SLC35F3: variants seen among roughly 807,000 people sequenced by gnomAD.
SLC35F3 encodes putative thiamine transporter SLC35F3.
SLC35F3 carries 25 observed loss-of-function variants against 49.9 expected under a neutral mutation model. The ratio of observed to expected loss-of-function variants is 0.50; its 90% CI spans 0.37 to 0.70. The LOEUF is 0.70. Among genes scored for constraint, SLC35F3 ranks in the 30% least tolerant of loss-of-function variants. The probability of loss-of-function intolerance (pLI) is 0.00; values close to 1 mark genes in which losing one functional copy is unlikely to be tolerated. For missense variants in SLC35F3, 525 were observed against 639.8 expected, an observed-to-expected ratio of 0.82 and a Z score of 1.94; for synonymous variants, 275 against 265.4, an observed-to-expected ratio of 1.04 and a Z score of -0.35.
chr1:233,949,666 C>A lies in SLC35F3; in HGVS notation c.283+43908C>A, dbSNP rs565342644. On this transcript the variant is annotated intron_variant, in intron 2 of 7. Transcript: ENST00000366618. ...GACCTTAGCCCTTTTACAGCATTCA[C>A]TGGGGCTTGTCATGTTAGGATCGCT... Among the ~76,000 whole-genome samples the A allele has an allele frequency of 3.9e-5, 6 of 152,292 alleles. No individual in the cohort carries two copies. In the East Asian group the frequency reaches 1.2e-3, roughly 29 times the overall value.
At chr1:233,988,591 A>G (rs1223801529) in intron 2 of SLC35F3, among the ~76,000 whole-genome samples, 1 of 152,032 alleles carries the variant, frequency 6.6e-6, no homozygotes, top group Non-Finnish European at 1.5e-5. Context: ...CACCCTCCAC[A>G]TGCTCTTTCC....
intron 2 of SLC35F3, among the ~76,000 whole-genome samples, chr1:234,180,655 C>T (rs2102923369): frequency 6.6e-6 from 1 of 152,336 alleles, no homozygotes; most frequent in South Asian, 2.1e-4. Context: ...CTATTTCCCT[C>T]ATTGGCCACC....
intron 2 of SLC35F3, among the ~76,000 whole-genome samples, chr1:234,148,228 C>G (rs1166970005): frequency 6.6e-6 from 1 of 152,140 alleles, no homozygotes; most frequent in Non-Finnish European, 1.5e-5. Flanking sequence ...GGAGAGCTTT[C>G]CTCTGACCTC....
chr1:234,301,564 G>T (rs1668692583), intron 3 of SLC35F3, among the ~76,000 whole-genome samples: 1 of 152,188 alleles, frequency 6.6e-6, no homozygotes, highest in African/African-American at 2.4e-5. Flanking sequence ...AGGCTGTGGA[G>T]AAATAGGAAC....
chr1:234,158,974 A>G (rs574179186), intron 2 of SLC35F3, among the ~76,000 whole-genome samples: 29 of 152,250 alleles, frequency 1.9e-4, no homozygotes, highest in African/African-American at 7.0e-4. Context: ...AGATATTTAG[A>G]GTTTTTTGTT....
rs187936563 is a variant in SLC35F3, at chr1:233,969,093, G to C, written c.283+63335G>C. 3.0e-4 allele frequency among the ~76,000 whole-genome samples: 45 copies of C among 151,472 alleles called. 1 individual carries two copies. In the East Asian group the frequency reaches 8.0e-3, roughly 27 times the overall value. ...GGGACACAATTCAACCCATAACATA[G>C]AGTATACACATTTCAGCCAAGCAAA... On this transcript the variant is annotated intron_variant, in intron 2 of 7. Coordinates refer to ENST00000366618, the MANE Select transcript of SLC35F3 (RefSeq NM_173508.4).
At chr1:234,168,774 G>A (rs79543024) in intron 2 of SLC35F3, among the ~76,000 whole-genome samples, 2,567 of 152,288 alleles carry the variant, frequency 0.017, 69 homozygotes, top group African/African-American at 0.057. Context: ...AAACCTAACC[G>A]TGAAGAGGGA....
rs869035917 is a variant in SLC35F3 at position 233,955,878 on chromosome 1, CTTTTTTTTTTTTTTT to C, written c.283+50133_283+50147del. 6.2e-5 allele frequency among the ~76,000 whole-genome samples: 3 copies of C among 48,104 alleles called. 1 individual carries two copies. The highest frequency in any genetic ancestry group is 0.029 in the Middle Eastern group (2 of 68). 31.6% of individuals were successfully genotyped at this position (48,104 alleles called of 152,430 possible). A position where few individuals can be genotyped will look rare whatever the true frequency, so the allele number is the denominator to read the frequency against. ...GAGTCAGCAGAGGAGGTGTGGGTATCTTTTTTTTTTTTTTTTTTTTTTTTTTTGAGTTGGTGTCTC... is the reference window on the plus strand; with the variant it reads ...GAGTCAGCAGAGGAGGTGTGGGTATCTTTTTTTTTTTTGAGTTGGTGTCTC... On this transcript the variant is annotated intron_variant, in intron 2 of 7. Coordinates refer to ENST00000366618, the MANE Select transcript of SLC35F3 (RefSeq NM_173508.4).
chr1:234,307,759 G>A (rs1231721698), intron 3 of SLC35F3, among the ~76,000 whole-genome samples: 1 of 152,176 alleles, frequency 6.6e-6, no homozygotes, highest in East Asian at 1.9e-4. Flanking sequence ...AGCTGTGGCA[G>A]TGCAGCACCA....
At chr1:234,305,722 C>G (rs1657152156) in intron 3 of SLC35F3, among the ~76,000 whole-genome samples, 1 of 152,108 alleles carries the variant, frequency 6.6e-6, no homozygotes, top group South Asian at 2.1e-4. Flanking sequence ...TTGAAGCTCT[C>G]AATTTAGATT....
In SLC35F3 at chr1:234,214,055, G is replaced by A. The variant is rs1667078027; in HGVS notation, c.284-17362G>A. ...CAGGGTCTCCCCTCCGCAGGCGCTG[G>A]TCCTTTTAAAGGGCTTCTCAGAGAG... On this transcript the variant is annotated intron_variant, in intron 2 of 7. Coordinates refer to ENST00000366618, the MANE Select transcript of SLC35F3 (RefSeq NM_173508.4). This position sits in a 1 kb window ranked among gnomAD's most constrained non-coding sequence, Gnocchi z 8.0. 3 of 442,444 alleles carry A rather than the reference G, an allele frequency of 6.8e-6. No individual in the cohort carries two copies. Among genetic ancestry groups the A allele is most frequent in the Non-Finnish European group, 9.1e-6 (3 of 331,328 alleles). The allele number at this position is 442,444 out of a possible 1,614,324, so 27.4% of individuals were successfully genotyped here. A position where few individuals can be genotyped will look rare whatever the true frequency, so the allele number is the denominator to read the frequency against.
At chr1:234,222,511 C>T (rs947143366) in intron 2 of SLC35F3, among the ~76,000 whole-genome samples, 8 of 152,204 alleles carry the variant, frequency 5.3e-5, no homozygotes, top group Non-Finnish European at 8.8e-5. Flanking sequence ...AAAACCCACA[C>T]CTCTTCTGAT....
At chr1:234,190,893 C>CA (rs1666720770) in intron 2 of SLC35F3, among the ~76,000 whole-genome samples, 1 of 151,756 alleles carries the variant, frequency 6.6e-6, no homozygotes, top group Non-Finnish European at 1.5e-5. Context: ...GAAATGGTAA[C>CA]AAAAAACAAA....
chr1:234,264,977 G>A lies in SLC35F3; in HGVS notation c.608+33236G>A, dbSNP rs141704921. Reference sequence around the variant, plus strand: ...CTCAGGCTGCTTTACTGGTTCCTCCGGCCTCCCTGAACTCTGAACAGTCCA... The same window carrying A: ...CTCAGGCTGCTTTACTGGTTCCTCCAGCCTCCCTGAACTCTGAACAGTCCA... On this transcript the variant is annotated intron_variant, in intron 3 of 7. Transcript: ENST00000366618. Among the ~76,000 whole-genome samples the A allele has an allele frequency of 4.9e-3, 739 of 152,058 alleles. 8 individuals carry two copies. Among genetic ancestry groups the A allele is most frequent in the African/African-American group, 0.017 (697 of 41,440 alleles).
intron 2 of SLC35F3, among the ~76,000 whole-genome samples, chr1:233,932,665 G>C (rs1662264264): frequency 6.6e-6 from 1 of 152,192 alleles, no homozygotes; most frequent in Non-Finnish European, 1.5e-5. Context: ...GTGGTATTTA[G>C]GGAAAGGGAG....
At chr1:234,309,470 G>A in intron 4 of SLC35F3, 150 bp downstream of exon 4, 1 of 678,564 alleles carries the variant, frequency 1.5e-6, no homozygotes, top group South Asian at 2.0e-5. Context: ...GCCCAGCAGA[G>A]GGCCCGGTTC....
At chr1:234,084,273 G>A (rs1391684507) in intron 2 of SLC35F3, among the ~76,000 whole-genome samples, 2 of 151,870 alleles carry the variant, frequency 1.3e-5, no homozygotes, top group African/African-American at 4.8e-5. Context: ...AGAGAGGAGG[G>A]CAAGTTATTT....
intron 2 of SLC35F3, among the ~76,000 whole-genome samples, chr1:234,034,085 A>G (rs1011410789): frequency 2.0e-5 from 3 of 152,264 alleles, no homozygotes; most frequent in South Asian, 2.1e-4. Flanking sequence ...TTGGTTAGGT[A>G]TATTCCTAAG....
chr1:234,160,991 G>A (rs143595198), intron 2 of SLC35F3, among the ~76,000 whole-genome samples: 543 of 152,196 alleles, frequency 3.6e-3, no homozygotes, highest in Middle Eastern at 0.017. Context: ...ATCTCTCTTG[G>A]ATCCAGGCTT....
Sources: gnomAD v4.1 joint callset for allele counts (sites outside exome capture counted in the v4.1 genomes callset) on GRCh38, gnomAD v4.1.1 for gene constraint, Gnocchi (gnomAD v3.1) non-coding constraint, MANE v1.5 for transcripts, NCBI Gene and HGNC (gene_info 2026-07-23, HGNC 2026-07-21) for gene names.